JMJD1C: variants seen among roughly 807,000 people sequenced by gnomAD.
The protein encoded by JMJD1C is jumonji domain containing 1C.
Under a neutral mutation model 245.3 loss-of-function variants are expected in JMJD1C, and 31 were observed. The ratio of observed to expected loss-of-function variants is 0.13; its 90% confidence interval spans 0.09 to 0.17. The LOEUF (loss-of-function observed/expected upper bound fraction) is 0.17. Among genes scored for constraint, JMJD1C ranks in the 10% least tolerant of loss-of-function variants. The pLI is 1.00. For missense variants in JMJD1C, 2,691 were observed against 3,000.2 expected (o/e 0.90, Z 2.41); for synonymous variants, 1,057 against 1,017.4 (o/e 1.04, Z -0.74).
intron 9 of JMJD1C, 108 bp from the exon 10 acceptor site, chr10:63,208,909 T>A: frequency 9.6e-7 from 1 of 1,037,546 alleles, no homozygotes; most frequent in Non-Finnish European, 1.4e-6. Context: ...CATCTTTGCA[T>A]GTACTCTAAT....
intron 2 of JMJD1C, among the ~76,000 whole-genome samples, chr10:63,372,523 A>C (rs1946394650): frequency 6.6e-6 from 1 of 152,196 alleles, no homozygotes; most frequent in Non-Finnish European, 1.5e-5. Context: ...GGTAACTCAC[A>C]GTTTTACCAC....
At chr10:63,282,930 A>G (rs1336188466) in intron 2 of JMJD1C, among the ~76,000 whole-genome samples, 3 of 152,142 alleles carry the variant, frequency 2.0e-5, no homozygotes, top group African/African-American at 4.8e-5. Flanking sequence ...GTTAGCCAAG[A>G]TGGCCTCGGT....
intron 2 of JMJD1C, among the ~76,000 whole-genome samples, chr10:63,375,283 C>A (rs1946642345): frequency 7.0e-6 from 1 of 142,512 alleles, no homozygotes; most frequent in African/African-American, 2.6e-5. Flanking sequence ...AATTTCTGGG[C>A]TCAAGGGATC....
chr10:63,202,994 G>C (rs1846192336), intron 10 of JMJD1C: 3 of 984,836 alleles, frequency 3.0e-6, no homozygotes, highest in Non-Finnish European at 3.6e-6. Context: ...CCATACCACT[G>C]TGAACAACTC....
chr10:63,406,462 T>C (rs926532059), intron 1 of JMJD1C, among the ~76,000 whole-genome samples: 2 of 152,058 alleles, frequency 1.3e-5, no homozygotes, highest in African/African-American at 4.8e-5. Flanking sequence ...TCAATATGTG[T>C]CCATATCAAA....
chr10:63,218,571 T>C (rs1848248343), intron 4 of JMJD1C, among the ~76,000 whole-genome samples: 1 of 152,142 alleles, frequency 6.6e-6, no homozygotes, highest in Non-Finnish European at 1.5e-5. Flanking sequence ...TCAATTCCCA[T>C]TAACAAACAG....
At chr10:63,341,005 G>A (rs1420108624) in intron 2 of JMJD1C, among the ~76,000 whole-genome samples, 1 of 152,136 alleles carries the variant, frequency 6.6e-6, no homozygotes, top group African/African-American at 2.4e-5. Context: ...ATAAACAGAA[G>A]TTAGTGAGAA....
chr10:63,295,955 GTATA>G (rs1283070018), intron 2 of JMJD1C, among the ~76,000 whole-genome samples: 47 of 30,640 alleles, frequency 1.5e-3, no homozygotes, highest in African/African-American at 2.5e-3. Flanking sequence ...ATATATACAC[GTATA>G]TGTGTGTGTG....
chr10:63,489,006 T>A (rs778461628), intron 1 of JMJD1C, among the ~76,000 whole-genome samples: 1 of 152,228 alleles, frequency 6.6e-6, no homozygotes, highest in African/African-American at 2.4e-5. Flanking sequence ...TATCACCTCA[T>A]GATGTCATAG....
intron 3 of JMJD1C, among the ~76,000 whole-genome samples, chr10:63,249,153 TA>T (rs1852695310): frequency 6.6e-6 from 1 of 152,066 alleles, no homozygotes; most frequent in South Asian, 2.1e-4. Context: ...CTGTCTCTAC[TA>T]AAAATACAAA....
chr10:63,185,907 C>T (rs1464808182), intron 19 of JMJD1C, among the ~76,000 whole-genome samples: 2 of 152,160 alleles, frequency 1.3e-5, no homozygotes, highest in Admixed American at 1.3e-4. Context: ...TTGGTAACAT[C>T]ACAATCTTAC....
chr10:63,222,109 C>T (rs1209607096), intron 3 of JMJD1C: 3 of 612,410 alleles, frequency 4.9e-6, no homozygotes, highest in Non-Finnish European at 9.1e-6. Flanking sequence ...CACTTTAAAA[C>T]TTCCTTACAT....
chr10:63,241,142 G>A (rs565999555), intron 3 of JMJD1C, among the ~76,000 whole-genome samples: 3 of 152,234 alleles, frequency 2.0e-5, no homozygotes, highest in South Asian at 4.1e-4. Flanking sequence ...AGAAATTTAG[G>A]GGCAAAATAA....
At chr10:63,354,653 TCTAC>T (rs1345542381) in intron 2 of JMJD1C, among the ~76,000 whole-genome samples, 1 of 128,548 alleles carries the variant, frequency 7.8e-6, no homozygotes, top group Non-Finnish European at 1.7e-5. Flanking sequence ...CAGAGTATTT[TCTAC>T]CTAAATTTTC....
chr10:63,231,822 A>T (rs1190197922), intron 3 of JMJD1C, among the ~76,000 whole-genome samples: 1 of 152,082 alleles, frequency 6.6e-6, no homozygotes, highest in Admixed American at 6.6e-5. Context: ...TAAAACAAGA[A>T]AATAGACTAT....
At chr10:63,346,745 T>C (rs1943846192) in intron 2 of JMJD1C, among the ~76,000 whole-genome samples, 1 of 152,180 alleles carries the variant, frequency 6.6e-6, no homozygotes, top group Non-Finnish European at 1.5e-5. Flanking sequence ...AATTGTAAAA[T>C]TTGTCTGAAA....
intron 3 of JMJD1C, among the ~76,000 whole-genome samples, chr10:63,239,058 AATATTTGAGTTGAGACTCAAGAAAAGT>A (rs1225077871): frequency 2.0e-5 from 3 of 152,200 alleles, no homozygotes; most frequent in Non-Finnish European, 4.4e-5. Flanking sequence ...CAGAGAAGGA[AATATTTGAGTTGAGACTCAAGAAAAGT>A]ATGAAACCAA....
intron 16 of JMJD1C, among the ~76,000 whole-genome samples, chr10:63,191,509 T>C (rs1470441013): frequency 1.3e-5 from 2 of 152,148 alleles, no homozygotes; most frequent in African/African-American, 2.4e-5. Context: ...TACTGTGAGA[T>C]AAAAACTGAA....
intron 1 of JMJD1C, among the ~76,000 whole-genome samples, chr10:63,454,442 G>A (rs1952278031): frequency 6.6e-6 from 1 of 151,724 alleles, no homozygotes; most frequent in Non-Finnish European, 1.5e-5. Context: ...GTTGTTTTTT[G>A]AAATGGAATC....
Sources: gnomAD v4.1 joint callset for allele counts (sites outside exome capture counted in the v4.1 genomes callset) on GRCh38, gnomAD v4.1.1 for gene constraint, MANE v1.5 for transcripts, NCBI Gene and HGNC (gene_info 2026-07-23, HGNC 2026-07-21) for gene names.